Variants in BARX2 observed in about 807,000 individuals in gnomAD.
BARX2 encodes BARX homeobox 2, also known as homeobox protein BarH-like 2.
A neutral mutation model predicts 25.5 loss-of-function variants in BARX2; 11 were observed. The observed-to-expected ratio is 0.43, with a 90% CI of 0.27 to 0.71. The LOEUF is 0.71. Among genes scored for constraint, BARX2 ranks in the 30% least tolerant of loss-of-function variants. The pLI is 0.19. For missense variants in BARX2, 360 were observed against 359.9 expected, an observed-to-expected ratio of 1.00 and a Z score of 0.00; for synonymous variants, 137 against 149.5, an observed-to-expected ratio of 0.92 and a Z score of 0.61.
At chr11:129,418,485 G>C (rs1379313699) in intron 1 of BARX2, among the ~76,000 whole-genome samples, 1 of 152,102 alleles carries the variant, frequency 6.6e-6, no homozygotes, top group Non-Finnish European at 1.5e-5. Flanking sequence ...CTTTCTCCCA[G>C]TCAGGGAGAA....
chr11:129,441,066 T>G (rs942217637), intron 2 of BARX2, among the ~76,000 whole-genome samples: 1 of 152,240 alleles, frequency 6.6e-6, no homozygotes, highest in African/African-American at 2.4e-5. Context: ...GAGGTAGACC[T>G]GGGGTTCTTA....
intron 1 of BARX2, among the ~76,000 whole-genome samples, chr11:129,408,925 C>G (rs1861859146): frequency 6.6e-6 from 1 of 152,050 alleles, no homozygotes; most frequent in Admixed American, 6.6e-5. Context: ...ATGCAAACAC[C>G]CATTGAATAC....
intron 1 of BARX2, among the ~76,000 whole-genome samples, chr11:129,389,798 G>A (rs908600592): frequency 6.6e-6 from 1 of 151,158 alleles, no homozygotes; most frequent in Non-Finnish European, 1.5e-5. Context: ...CCACTGAGAT[G>A]TTCTTTTCCA....
chr11:129,412,550 G>C (rs925278566), intron 1 of BARX2, among the ~76,000 whole-genome samples: 18 of 152,220 alleles, frequency 1.2e-4, no homozygotes, highest in African/African-American at 4.1e-4. Context: ...GCAGCTCAAA[G>C]GCAGTCTGCA....
At chr11:129,375,260 A>AG (rs1861487586), upstream of BARX2, among the ~76,000 whole-genome samples, 1 of 152,076 alleles carries the variant, frequency 6.6e-6, no homozygotes, top group South Asian at 2.1e-4. This position sits in a 1 kb window ranked among gnomAD's most constrained non-coding sequence, Gnocchi z 4.0. Context: ...CTGCGAGTGG[A>AG]GGGCTTGGGA....
intron 3 of BARX2, among the ~76,000 whole-genome samples, chr11:129,449,588 A>T (rs1862372140): frequency 2.0e-5 from 3 of 152,208 alleles, no homozygotes; most frequent in Non-Finnish European, 4.4e-5. Flanking sequence ...AAATATTTTT[A>T]AAATTATCCC....
chr11:129,420,127 G>T (rs1338545553), intron 1 of BARX2, among the ~76,000 whole-genome samples: 1 of 152,054 alleles, frequency 6.6e-6, no homozygotes, highest in Non-Finnish European at 1.5e-5. Flanking sequence ...TGTCAGTGTT[G>T]TGGGCCTTTG....
intron 1 of BARX2, among the ~76,000 whole-genome samples, chr11:129,409,388 G>A (rs1232255940): frequency 6.6e-6 from 1 of 151,984 alleles, no homozygotes; most frequent in Non-Finnish European, 1.5e-5. Flanking sequence ...ATTTTTAAAC[G>A]GTCTGTTCTA....
rs142425187 is a variant in BARX2 at position 129,390,110 on chromosome 11, G to C, written c.187+13888G>C. Among the ~76,000 whole-genome samples, 266 of 152,242 alleles carry C rather than the reference G, an allele frequency of 1.7e-3. 2 individuals carry two copies. Among genetic ancestry groups the C allele is most frequent in the African/African-American group, 6.0e-3 (251 of 41,542 alleles). On this transcript the variant is annotated intron_variant, in intron 1 of 3. Transcript: ENST00000281437. The surrounding 1 kb of genome is among the most constrained non-coding windows in gnomAD (Gnocchi z 4.3). Reference sequence around the variant, plus strand: ...ACTTTAATTGATGAATCCCCTCCACGGTGTGAGAAGAATTCTCTTGATGAG... The same window carrying C: ...ACTTTAATTGATGAATCCCCTCCACCGTGTGAGAAGAATTCTCTTGATGAG...
chr11:129,413,529 T>C (rs1030473394), intron 1 of BARX2, among the ~76,000 whole-genome samples: 1 of 152,166 alleles, frequency 6.6e-6, no homozygotes, highest in African/African-American at 2.4e-5. Flanking sequence ...AATTTAACTT[T>C]ATTTTCTGGA....
chr11:129,427,275 C>T (rs1862074655), intron 1 of BARX2, among the ~76,000 whole-genome samples: 1 of 152,182 alleles, frequency 6.6e-6, no homozygotes, highest in Admixed American at 6.5e-5. Context: ...GACTTGGTAA[C>T]CTGCTCACTG....
chr11:129,449,092 T>C (rs377143183), intron 3 of BARX2, among the ~76,000 whole-genome samples: 99 of 152,248 alleles, frequency 6.5e-4, no homozygotes, highest in African/African-American at 2.2e-3. Flanking sequence ...GGGTTTCTTT[T>C]TGGGGTGATA....
intron 1 of BARX2, among the ~76,000 whole-genome samples, chr11:129,401,829 A>G (rs1861778445): frequency 6.6e-6 from 1 of 151,990 alleles, no homozygotes; most frequent in East Asian, 1.9e-4. Context: ...GGTGGCAGAC[A>G]CCTATAATTC....
chr11:129,396,954 C>G (rs1243184286), intron 1 of BARX2, among the ~76,000 whole-genome samples: 1 of 152,024 alleles, frequency 6.6e-6, no homozygotes, highest in Non-Finnish European at 1.5e-5. Flanking sequence ...CCTTAGTGTC[C>G]CATAAAGCTG....
At chr11:129,391,738 C>T (rs186180633) in intron 1 of BARX2, among the ~76,000 whole-genome samples, 17 of 152,148 alleles carry the variant, frequency 1.1e-4, no homozygotes, top group African/African-American at 3.9e-4. Flanking sequence ...ATTTTCTGCA[C>T]GGAGAGGGGG....
intron 1 of BARX2, among the ~76,000 whole-genome samples, chr11:129,392,436 C>T (rs942117714): frequency 1.3e-5 from 2 of 152,144 alleles, no homozygotes; most frequent in Non-Finnish European, 2.9e-5. Flanking sequence ...GGTAAAATTC[C>T]ACTTCCAAGA....
rs998642413 is a variant in BARX2, at chr11:129,451,521, C to A, written c.*119C>A. ...TAAACTGCGGGCGAAGAGATCTACCCGTCTCCCTCCCTCCCACAGTTACCA... is the reference window on the plus strand; with the variant it reads ...TAAACTGCGGGCGAAGAGATCTACCAGTCTCCCTCCCTCCCACAGTTACCA... On this transcript the variant is annotated 3_prime_UTR_variant, in exon 4 of 4. Transcript: ENST00000281437. 2.3e-5 allele frequency: 27 copies of A among 1,161,112 alleles called. No homozygotes were observed. The highest frequency in any genetic ancestry group is 3.2e-5 in the Non-Finnish European group (27 of 842,150). The allele number at this position is 1,161,112 out of a possible 1,614,324, so 71.9% of individuals were successfully genotyped here.
chr11:129,418,911 T>C (rs922343300), intron 1 of BARX2, among the ~76,000 whole-genome samples: 4 of 152,250 alleles, frequency 2.6e-5, no homozygotes, highest in Non-Finnish European at 5.9e-5. Flanking sequence ...TGTTGTTTCA[T>C]TATAACGTTG....
chr11:129,442,737 G>A (rs753643001), intron 2 of BARX2, 98 bp from the exon 3 acceptor site: 3 of 1,051,964 alleles, frequency 2.9e-6, no homozygotes, highest in Non-Finnish European at 3.0e-6. Context: ...AGCCTTGGTA[G>A]CCAGTGCTGG....
Sources: allele counts gnomAD v4.1 joint callset (sites outside exome capture counted in the v4.1 genomes callset), GRCh38; gene constraint gnomAD v4.1.1; non-coding constraint Gnocchi (gnomAD v3.1); transcripts MANE v1.5; gene names NCBI Gene and HGNC (gene_info 2026-07-23, HGNC 2026-07-21).